The following PARM1 variants were observed in gnomAD, a reference collection of about 807,000 sequenced individuals.
PARM1 encodes WSC4, cell wall integrity and stress response component 4 homolog.
Under a neutral mutation model 24.6 loss-of-function variants are expected in PARM1, and 14 were observed. The ratio of observed to expected loss-of-function variants is 0.57; its 90% CI spans 0.38 to 0.89. The LOEUF is 0.89. Among genes scored for constraint, PARM1 ranks in the 40% least tolerant of loss-of-function variants. The probability of loss-of-function intolerance (pLI) is 0.00; values close to 1 mark genes in which losing one functional copy is unlikely to be tolerated. For missense variants in PARM1, 362 were observed against 380.4 expected, an observed-to-expected ratio of 0.95 and a Z score of 0.40; for synonymous variants, 179 against 156.6, an observed-to-expected ratio of 1.14 and a Z score of -1.07.
intron 3 of PARM1, among the ~76,000 whole-genome samples, chr4:75,043,855 G>A (rs1374072491): frequency 6.6e-6 from 1 of 152,086 alleles, no homozygotes; most frequent in Non-Finnish European, 1.5e-5. Context: ...GTGTTTCTGG[G>A]TTTCTATTTA....
chr4:74,938,390 G>A (rs1401607681), intron 1 of PARM1, among the ~76,000 whole-genome samples: 1 of 152,208 alleles, frequency 6.6e-6, no homozygotes, highest in East Asian at 1.9e-4. Context: ...CCATTTGGAA[G>A]TATCTATCAC....
intron 1 of PARM1, among the ~76,000 whole-genome samples, chr4:75,008,691 A>G (rs1451886096): frequency 3.3e-5 from 5 of 152,194 alleles, no homozygotes; most frequent in Admixed American, 6.5e-5. Context: ...TTACTTTTAT[A>G]TAGCACTTAT....
intron 1 of PARM1, among the ~76,000 whole-genome samples, chr4:74,996,520 G>A (rs1722579223): frequency 6.6e-6 from 1 of 152,162 alleles, no homozygotes; most frequent in Non-Finnish European, 1.5e-5. Context: ...GCTTAGTGTA[G>A]ATTGACCTAT....
intron 1 of PARM1, among the ~76,000 whole-genome samples, chr4:74,999,600 G>A (rs1219820640): frequency 6.6e-6 from 1 of 152,130 alleles, no homozygotes; most frequent in Non-Finnish European, 1.5e-5. Context: ...TGGGTTCCTT[G>A]CACACAGCAG....
At chr4:74,996,922 G>A (rs1409436550) in intron 1 of PARM1, among the ~76,000 whole-genome samples, 5 of 152,256 alleles carry the variant, frequency 3.3e-5, no homozygotes, top group African/African-American at 4.8e-5. Context: ...AAGCTGAAAC[G>A]CTTTTGATTC....
At chr4:74,949,946 T>C (rs1045282241) in intron 1 of PARM1, among the ~76,000 whole-genome samples, 7 of 152,202 alleles carry the variant, frequency 4.6e-5, no homozygotes, top group African/African-American at 1.7e-4. Flanking sequence ...GATACTTTTT[T>C]TCCTTTCATC....
At chr4:74,943,667 C>G (rs750880394) in intron 1 of PARM1, among the ~76,000 whole-genome samples, 8 of 152,070 alleles carry the variant, frequency 5.3e-5, no homozygotes, top group Non-Finnish European at 1.2e-4. Flanking sequence ...TTTATAAACT[C>G]CCTGGACAAT....
intron 1 of PARM1, among the ~76,000 whole-genome samples, chr4:74,949,809 C>T (rs1351198911): frequency 6.7e-6 from 1 of 149,576 alleles, no homozygotes; most frequent in Admixed American, 6.7e-5. Context: ...CAAATAGAGG[C>T]ACTTCCCTAT....
chr4:74,933,221 A>G lies in PARM1; in HGVS notation c.-107A>G, dbSNP rs1405854016. 1.0e-5 allele frequency: 10 copies of G among 959,548 alleles called. No individual in the cohort carries two copies. The highest frequency in any genetic ancestry group is 1.6e-5 in the Non-Finnish European group (10 of 616,784). 59.4% of individuals were successfully genotyped at this position (959,548 alleles called of 1,614,324 possible). On this transcript the variant is annotated 5_prime_UTR_variant, in exon 1 of 4. Coordinates refer to ENST00000307428, the MANE Select transcript of PARM1 (RefSeq NM_015393.4). ...GAGCTGTTCGCGCCTCCCGGCTCCC[A>G]CCGCAGCCCACCCGGCAGAGGAGTC... is the stretch of plus-strand genomic sequence containing the variant.
intron 1 of PARM1, among the ~76,000 whole-genome samples, chr4:74,990,575 G>A (rs959053300): frequency 6.6e-6 from 1 of 152,116 alleles, no homozygotes; most frequent in African/African-American, 2.4e-5. Flanking sequence ...CGAGAACTTA[G>A]GACCATCCAG....
chr4:75,027,096 C>T (rs1723196523), intron 2 of PARM1, among the ~76,000 whole-genome samples: 1 of 152,150 alleles, frequency 6.6e-6, no homozygotes. Flanking sequence ...CCAGACTTTA[C>T]AGGCCCACCC....
intron 2 of PARM1, among the ~76,000 whole-genome samples, chr4:75,023,971 T>C (rs892802117): frequency 1.3e-5 from 2 of 152,102 alleles, no homozygotes; most frequent in African/African-American, 4.8e-5. Context: ...GTAAACACAG[T>C]ATTCAAAAGC....
intron 1 of PARM1, among the ~76,000 whole-genome samples, chr4:74,948,155 T>G (rs775606985): frequency 1.4e-4 from 21 of 152,206 alleles, no homozygotes; most frequent in Non-Finnish European, 2.9e-4. Flanking sequence ...TACTAGTCTT[T>G]CAGCTTTTAG....
intron 1 of PARM1, chr4:74,967,483 G>A (rs1275152043): frequency 2.6e-5 from 4 of 152,192 alleles, no homozygotes; most frequent in Non-Finnish European, 5.9e-5. Context: ...CAGAGAGACA[G>A]ATTGCGTCAT....
intron 2 of PARM1, among the ~76,000 whole-genome samples, chr4:75,020,233 G>A (rs1723066232): frequency 6.6e-6 from 1 of 152,198 alleles, no homozygotes. Flanking sequence ...GTATCAGAAA[G>A]CAATAATCCT....
intron 1 of PARM1, among the ~76,000 whole-genome samples, chr4:74,954,000 A>C (rs1721582385): frequency 6.6e-6 from 1 of 152,226 alleles, no homozygotes; most frequent in African/African-American, 2.4e-5. Context: ...TCCAAAGGTG[A>C]CATGTACTAC....
chr4:75,002,791 G>A (rs1394256060), intron 1 of PARM1, among the ~76,000 whole-genome samples: 2 of 152,178 alleles, frequency 1.3e-5, no homozygotes, highest in Non-Finnish European at 2.9e-5. Context: ...GGCCTCTGGT[G>A]GACCCAGCCG....
chr4:74,983,856 GT>G (rs1402483399), intron 1 of PARM1, among the ~76,000 whole-genome samples: 5 of 152,110 alleles, frequency 3.3e-5, no homozygotes, highest in Non-Finnish European at 7.3e-5. Context: ...CTTCTTGGCT[GT>G]TTTTTAAGGT....
chr4:74,989,241 G>A lies in PARM1; in HGVS notation c.44-23184G>A, dbSNP rs983605274. On this transcript the variant is annotated intron_variant, in intron 1 of 3. Transcript: ENST00000307428. ...TAGTGTCAGATCCCACAGCTTAAGG[G>A]CTCAGTCCCACAAGACTGCCCCTAC... Among the ~76,000 whole-genome samples the A allele has an allele frequency of 7.2e-5, 11 of 151,964 alleles. No homozygotes were observed. The East Asian group carries it at 1.9e-3, about 27-fold the overall frequency.
Sources: gnomAD v4.1 joint callset for allele counts (sites outside exome capture counted in the v4.1 genomes callset) on GRCh38, gnomAD v4.1.1 for gene constraint, MANE v1.5 for transcripts, NCBI Gene and HGNC (gene_info 2026-07-23, HGNC 2026-07-21) for gene names.